MUC21: variants seen among roughly 807,000 people sequenced by gnomAD.
MUC21 encodes the protein mucin 21, cell surface associated.
In MUC21, 8 loss-of-function variants were observed where a neutral mutation model predicts 9.1. The observed-to-expected ratio is 0.88, with a 90% CI of 0.52 to 1.59. The LOEUF is 1.59. Ranked by LOEUF, MUC21 falls within the 40% of genes most tolerant of loss-of-function variation. MUC21 has a pLI of 0.00. For missense variants in MUC21, 478 were observed against 694.2 expected (o/e 0.69, Z 3.50); for synonymous variants, 189 against 275.2 (o/e 0.69, Z 3.10).
Position 30,986,880 on chromosome 6 carries a change from T to C in MUC21, c.705T>C (p.Ser235=). The change falls in exon 2 of 3, where the codon AGT becomes AGC. Residue 235 remains serine (S), a synonymous_variant. Transcript: ENST00000376296. The part of the protein sequence containing the change: ...ATNSESSTTS[S]GASTATNSES... ...ACTCTGAGTCCAGCACGACCTCCAG[T>C]GGGGCCAGCACAGCCACCAACTCTG... 1 of 1,590,520 alleles carries C rather than the reference T, an allele frequency of 6.3e-7. No individual in the cohort carries two copies. The highest frequency in any genetic ancestry group is 8.6e-7 in the Non-Finnish European group (1 of 1,167,754).
chr6:30,986,223 T>A lies in MUC21; in HGVS notation c.62-14T>A. 6.3e-7 allele frequency: 1 copy of A among 1,598,230 alleles called. No individual in the cohort carries two copies. Among genetic ancestry groups the A allele is most frequent in the African/African-American group, 1.3e-5 (1 of 74,626 alleles). ...TACACACAATATATATTTGTCATTA[T>A]ATGATTTCTTCAGCAACAAATTCCA... On this transcript the variant is annotated splice_polypyrimidine_tract_variant and intron_variant, in intron 1 of 2. Coordinates refer to ENST00000376296, the MANE Select transcript of MUC21 (RefSeq NM_001010909.5).
At position 30,987,645 on chromosome 6, in the gene MUC21, G is replaced by T. The variant is rs368460700; in HGVS notation, c.1470G>T (p.Ala490=). 4 of 1,613,946 alleles carry T rather than the reference G, an allele frequency of 2.5e-6. No homozygotes were observed. The highest frequency in any genetic ancestry group is 3.4e-6 in the Non-Finnish European group (4 of 1,180,022). ...IFLITLVSVV[A]AVGLFAGLFF... ...TCATCACCCTGGTCTCGGTTGTGGCGGCCGTGGGGCTCTTTGCTGGGCTCT... is the reference window on the plus strand; with the variant it reads ...TCATCACCCTGGTCTCGGTTGTGGCTGCCGTGGGGCTCTTTGCTGGGCTCT... Residue 490 remains alanine (A), a synonymous_variant, in exon 2 of 3, where the codon GCG becomes GCT. Transcript: ENST00000376296.
At chr6:30,985,708 A>T (rs1397603871) in intron 1 of MUC21, among the ~76,000 whole-genome samples, 1 of 152,214 alleles carries the variant, frequency 6.6e-6, no homozygotes, top group Non-Finnish European at 1.5e-5. Context: ...ACAAGTGCAG[A>T]TTTAGTAGCC....
intron 1 of MUC21, among the ~76,000 whole-genome samples, chr6:30,984,321 G>A (rs1762160534): frequency 6.6e-6 from 1 of 152,180 alleles, no homozygotes; most frequent in African/African-American, 2.4e-5. Flanking sequence ...AACAACCTGT[G>A]TAATATGGTT....
intron 2 of MUC21, 90 bp from the exon 3 acceptor site, chr6:30,987,910 G>T: frequency 9.8e-7 from 1 of 1,022,718 alleles, no homozygotes; most frequent in Non-Finnish European, 1.5e-6. Context: ...GAGTGTGGTT[G>T]GAAGTGGGAG....
Position 30,987,332 on chromosome 6 carries a change from G to T in MUC21, c.1157G>T (p.Gly386Val). The T allele has an allele frequency of 6.4e-7, 1 of 1,572,698 alleles. No individual in the cohort carries two copies. Among genetic ancestry groups the T allele is most frequent in the East Asian group, 2.3e-5 (1 of 43,304 alleles). Residue 386 changes from glycine (G) to valine (V), a missense_variant, in exon 2 of 3, where the codon GGG (glycine) becomes GTG (valine). This residue lies in a region of MUC21 where 155 missense variants were observed against 235.2 expected (regional missense o/e 0.66). Transcript: ENST00000376296. ...TNSESSTVSS[G>V]ASTATTSESS... ...TCTGAGTCCAGCACAGTGTCCAGTG[G>T]GGCCAGCACAGCCACCACCTCTGAG...
rs1052678658 is a variant in MUC21, at chr6:30,988,783, T to TGGGGGG, written c.*592_*597dup. The TGGGGGG allele has an allele frequency of 1.5e-4, 1 of 6,812 alleles. No homozygotes were observed. Among genetic ancestry groups the TGGGGGG allele is most frequent in the African/African-American group, 8.1e-4 (1 of 1,230 alleles). 0.4% of individuals were successfully genotyped at this position (6,812 alleles called of 1,614,324 possible). ...GCGTTACAACTACCTGCTCTGTGTG[T>TGGGGGG]GGGGGGGGAGGGGGGAGGGGGGTAC... On this transcript the variant is annotated 3_prime_UTR_variant, in exon 3 of 3. Transcript: ENST00000376296.
chr6:30,985,830 G>A (rs1032598756), intron 1 of MUC21, among the ~76,000 whole-genome samples: 9 of 152,134 alleles, frequency 5.9e-5, no homozygotes, highest in Non-Finnish European at 1.0e-4. Flanking sequence ...ACCCAGGCTG[G>A]AGTGCAATGG....
At position 30,987,635 on chromosome 6, in the gene MUC21, CG is replaced by C. The variant is rs1562534837; in HGVS notation, c.1462del (p.Val488LeufsTer15). 1.9e-6 allele frequency: 3 copies of C among 1,614,186 alleles called. No homozygotes were observed. The South Asian group carries it at 3.3e-5, about 18-fold the overall frequency. ...PWEIFLITLV[S>X]VVAAVGLFAG... ...GAAATCTTCCTCATCACCCTGGTCT[CG>C]GTTGTGGCGGCCGTGGGGCTCTTTG... is the stretch of plus-strand genomic sequence containing the variant. On this transcript the variant is annotated frameshift_variant, in exon 2 of 3. Coordinates refer to ENST00000376296, the MANE Select transcript of MUC21 (RefSeq NM_001010909.5). LOFTEE classifies it low-confidence loss of function (END_TRUNC).
chr6:30,986,961 G>A lies in MUC21; in HGVS notation c.786G>A (p.Thr262=), dbSNP rs111476234. 26,777 of 1,124,172 alleles carry A rather than the reference G, an allele frequency of 0.024. 2,064 individuals are homozygous for A. The highest frequency in any genetic ancestry group is 0.066 in the East Asian group (1,644 of 25,034). The allele number at this position is 1,124,172 out of a possible 1,614,324, so 69.6% of individuals were successfully genotyped here. Residue 262 remains threonine (T), a synonymous_variant, in exon 2 of 3, where the codon ACG becomes ACA. Transcript: ENST00000376296. ...CAGCCACCAACTCTGAGTCCAGCAC[G>A]ACCTCCAGTGGGGCCGGCACAGCCA... ...AGTATNSESS[T]TSSGAGTATN... is the part of the protein sequence containing the mutation.
Position 30,988,984 on chromosome 6 carries a change from G to C in MUC21, c.*790G>C, listed in dbSNP as rs1193740308. The stretch of plus-strand genomic sequence containing the variant: ...TTCCAAGAGGCTCTTGCAAAGACCC[G>C]AGATTCTCATAAATCCCCGCCCAGA... On this transcript the variant is annotated 3_prime_UTR_variant, in exon 3 of 3. Coordinates refer to ENST00000376296, the MANE Select transcript of MUC21 (RefSeq NM_001010909.5). The C allele has an allele frequency of 6.6e-6, 1 of 152,142 alleles. No homozygotes were observed. Among genetic ancestry groups the C allele is most frequent in the African/African-American group, 2.4e-5 (1 of 41,410 alleles). The allele number at this position is 152,142 out of a possible 1,614,324, so 9.4% of individuals were successfully genotyped here.
chr6:30,984,287 C>T, intron 1 of MUC21: 1 of 388,202 alleles, frequency 2.6e-6, no homozygotes, highest in Non-Finnish European at 4.6e-6. Context: ...CTCTGCGCCT[C>T]GATTTCTGCA....
chr6:30,987,664 G>A lies in MUC21; in HGVS notation c.1489G>A (p.Gly497Arg). The change falls in exon 2 of 3, where the codon GGG becomes AGG. Residue 497 changes from glycine to arginine, a missense_variant. Gly to Arg is a moderately radical substitution (Grantham distance 125, BLOSUM62 -2). Coordinates refer to ENST00000376296, the MANE Select transcript of MUC21 (RefSeq NM_001010909.5). Reference protein sequence around the residue: ...SVVAAVGLFAGLFFCVRNSLS... With the variant: ...SVVAAVGLFARLFFCVRNSLS... The stretch of plus-strand genomic sequence containing the variant: ...TGTGGCGGCCGTGGGGCTCTTTGCT[G>A]GGCTCTTCTTCTGTGTGGTGAGTGC... 6.2e-7 allele frequency: 1 copy of A among 1,613,818 alleles called. No homozygotes were observed. The highest frequency in any genetic ancestry group is 8.5e-7 in the Non-Finnish European group (1 of 1,179,962).
At chr6:30,985,320 G>A (rs1762204343) in intron 1 of MUC21, among the ~76,000 whole-genome samples, 1 of 152,054 alleles carries the variant, frequency 6.6e-6, no homozygotes, top group Non-Finnish European at 1.5e-5. Context: ...AGTGATCAAG[G>A]GCCCCTGGAA....
At position 30,988,784 on chromosome 6, in the gene MUC21, G is replaced by T. The variant is rs1414670312; in HGVS notation, c.*590G>T. 6.9e-6 allele frequency: 1 copy of T among 145,824 alleles called. No homozygotes were observed. The highest frequency in any genetic ancestry group is 2.2e-4 in the South Asian group (1 of 4,448). 9.0% of individuals were successfully genotyped at this position (145,824 alleles called of 1,614,324 possible). A position where few individuals can be genotyped will look rare whatever the true frequency, so the allele number is the denominator to read the frequency against. On this transcript the variant is annotated 3_prime_UTR_variant, in exon 3 of 3. Transcript: ENST00000376296. ...CGTTACAACTACCTGCTCTGTGTGTGGGGGGGGAGGGGGGAGGGGGGTACG... is the reference window on the plus strand; with the variant it reads ...CGTTACAACTACCTGCTCTGTGTGTTGGGGGGGAGGGGGGAGGGGGGTACG...
In MUC21 at chr6:30,987,032, C is replaced by A; in HGVS notation, c.857C>A (p.Thr286Asn). The change falls in exon 2 of 3, where the codon ACC becomes AAC. Residue 286 changes from threonine to asparagine, a missense_variant. By Grantham distance (65) the Thr-to-Asn change is moderately conservative. This residue lies in a region of MUC21 where 155 missense variants were observed against 235.2 expected (regional missense o/e 0.66). Coordinates refer to ENST00000376296, the MANE Select transcript of MUC21 (RefSeq NM_001010909.5). ...GTGTCCAGTGGGATCAGCACAGTCACCAATTCTGAGTCCAGCACACCCTCC... is the reference window on the plus strand; with the variant it reads ...GTGTCCAGTGGGATCAGCACAGTCAACAATTCTGAGTCCAGCACACCCTCC... ...STVSSGISTV[T>N]NSESSTPSSG... 6.2e-7 allele frequency: 1 copy of A among 1,605,954 alleles called. No homozygotes were observed.
Position 30,983,850 on chromosome 6 carries a change from A to G in MUC21, c.-109A>G. Reference sequence around the variant, plus strand: ...CACGCTCCTGGAAGCACCAGCCTTTATCTCTTCACCTTCAAGTCCCCTTTC... The same window carrying G: ...CACGCTCCTGGAAGCACCAGCCTTTGTCTCTTCACCTTCAAGTCCCCTTTC... On this transcript the variant is annotated 5_prime_UTR_variant, in exon 1 of 3. Coordinates refer to ENST00000376296, the MANE Select transcript of MUC21 (RefSeq NM_001010909.5). The G allele has an allele frequency of 1.5e-6, 1 of 670,774 alleles. No individual in the cohort carries two copies. The highest frequency in any genetic ancestry group is 2.7e-6 in the Non-Finnish European group (1 of 368,758). The allele number at this position is 670,774 out of a possible 1,614,324, so 41.6% of individuals were successfully genotyped here.
rs1040477996 is a variant in MUC21 at position 30,987,609 on chromosome 6, G to A, written c.1434G>A (p.Trp478Ter). The A allele has an allele frequency of 1.2e-6, 2 of 1,614,244 alleles. No homozygotes were observed. Among genetic ancestry groups the A allele is most frequent in the Admixed American group, 3.3e-5 (2 of 60,032 alleles). Residue 478 changes from tryptophan (W) to a stop codon, truncating the protein, a stop_gained, in exon 2 of 3, where the codon TGG becomes TGA. Coordinates refer to ENST00000376296, the MANE Select transcript of MUC21 (RefSeq NM_001010909.5). LOFTEE classifies it high-confidence loss of function. ...EAKPGGSLVPWEIFLITLVSV... is the reference protein window; with the variant it reads ...EAKPGGSLVP ...AGCCTGGTGGGTCCCTGGTGCCGTGGGAAATCTTCCTCATCACCCTGGTCT... is the reference window on the plus strand; with the variant it reads ...AGCCTGGTGGGTCCCTGGTGCCGTGAGAAATCTTCCTCATCACCCTGGTCT...
At chr6:30,984,203 G>A (rs1762156459) in intron 1 of MUC21, 184 bp downstream of exon 1, 1 of 541,358 alleles carries the variant, frequency 1.8e-6, no homozygotes, top group Non-Finnish European at 3.3e-6. Context: ...GGTTAAAATT[G>A]GGCTCTGGTC....
Sources: allele counts gnomAD v4.1 joint callset (sites outside exome capture counted in the v4.1 genomes callset), GRCh38; gene constraint gnomAD v4.1.1; regional missense constraint gnomAD v4.1.1; transcripts MANE v1.5; gene names NCBI Gene and HGNC (gene_info 2026-07-23, HGNC 2026-07-21).